Variants in GPRC5B observed in about 807,000 individuals in gnomAD.
GPRC5B encodes G protein-coupled receptor family C group 5 member B.
A neutral mutation model predicts 30.1 loss-of-function variants in GPRC5B; 16 were observed. The observed-to-expected ratio is 0.53, with a 90% CI of 0.36 to 0.81. The LOEUF is 0.81. GPRC5B is among the 30% of genes least tolerant of loss of function. The pLI is 0.01. For missense variants in GPRC5B, 428 were observed against 544.7 expected, an observed-to-expected ratio of 0.79 and a Z score of 2.13; for synonymous variants, 241 against 239.5, an observed-to-expected ratio of 1.01 and a Z score of -0.06.
At chr16:19,878,277 C>T (rs1634672) in intron 1 of GPRC5B, among the ~76,000 whole-genome samples, 2,618 of 151,816 alleles carry the variant, frequency 0.017, 27 homozygotes, top group Non-Finnish European at 0.029. Context: ...TGAGTGATAT[C>T]TTTGTAGCGT....
rs752690692 is a variant in GPRC5B at position 19,858,595 on chromosome 16, G to A, written c.*1905C>T. On this transcript the variant is annotated 3_prime_UTR_variant, in exon 4 of 4. Coordinates refer to ENST00000300571, the MANE Select transcript of GPRC5B (RefSeq NM_016235.3). ...TCGTTTTTTCACCGGACAGGACCGA[G>A]GTGTTTGAAGATTTCTTTCTTTTCA... is the stretch of plus-strand genomic sequence containing the variant. 1 of 601,288 alleles carries A rather than the reference G, an allele frequency of 1.7e-6. No individual in the cohort carries two copies. The highest frequency in any genetic ancestry group is 2.0e-5 in the South Asian group (1 of 51,202). The allele number at this position is 601,288 out of a possible 1,614,324, so 37.2% of individuals were successfully genotyped here. A position where few individuals can be genotyped will look rare whatever the true frequency, so the allele number is the denominator to read the frequency against.
rs1315425729 is a variant in GPRC5B at position 19,858,627 on chromosome 16, C to T, written c.*1873G>A. The T allele has an allele frequency of 1.1e-5, 6 of 570,416 alleles. No homozygotes were observed. The Admixed American group carries it at 1.1e-4, about 10-fold the overall frequency. The allele number at this position is 570,416 out of a possible 1,614,324, so 35.3% of individuals were successfully genotyped here. A position where few individuals can be genotyped will look rare whatever the true frequency, so the allele number is the denominator to read the frequency against. On this transcript the variant is annotated 3_prime_UTR_variant, in exon 4 of 4. Transcript: ENST00000300571. ...GAAGATTTCTTTCTTTTCAGAATACCGGGTCCGCATGCAACCGCCCCCACC... is the reference window on the plus strand; with the variant it reads ...GAAGATTTCTTTCTTTTCAGAATACTGGGTCCGCATGCAACCGCCCCCACC...
At chr16:19,866,482 G>A (rs1399623816) in intron 2 of GPRC5B, among the ~76,000 whole-genome samples, 2 of 151,622 alleles carry the variant, frequency 1.3e-5, no homozygotes, top group African/African-American at 4.9e-5. Context: ...TCAGCCTCCC[G>A]AGCGAGTACC....
rs1256909785 is a variant in GPRC5B at position 19,872,103 on chromosome 16, A to C, written c.743T>G (p.Val248Gly). The C allele has an allele frequency of 1.2e-6, 2 of 1,613,918 alleles. No homozygotes were observed. The highest frequency in any genetic ancestry group is 1.7e-6 in the Non-Finnish European group (2 of 1,179,964). Residue 248 changes from valine (V) to glycine (G), a missense_variant, in exon 2 of 4, where the codon GTG becomes GGG. By Grantham distance (109) the Val-to-Gly change is moderately radical. Coordinates refer to ENST00000300571, the MANE Select transcript of GPRC5B (RefSeq NM_016235.3). The surrounding 1 kb of genome is among the most constrained non-coding windows in gnomAD (Gnocchi z 5.0). ...ITAFLSVLIWVAWMTMYLFGN... is the reference protein window; with the variant it reads ...ITAFLSVLIWGAWMTMYLFGN... ...GAAGAGGTACATGGTCATCCAGGCC[A>C]CCCAGATGAGCACAGAGAGGAAGGC...
rs1183086608 is a variant in GPRC5B, at chr16:19,859,989, C to G, written c.*511G>C. 6.4e-6 allele frequency: 1 copy of G among 155,240 alleles called. No homozygotes were observed. Among genetic ancestry groups the G allele is most frequent in the African/African-American group, 2.4e-5 (1 of 41,484 alleles). 9.6% of individuals were successfully genotyped at this position (155,240 alleles called of 1,614,324 possible). A position where few individuals can be genotyped will look rare whatever the true frequency, so the allele number is the denominator to read the frequency against. On this transcript the variant is annotated 3_prime_UTR_variant, in exon 4 of 4. Coordinates refer to ENST00000300571, the MANE Select transcript of GPRC5B (RefSeq NM_016235.3). ...AACCTCCTTAACTCTCCTGACCCCCCTGAAATGTGCAAACCACCAGGCAAG... is the reference window on the plus strand; with the variant it reads ...AACCTCCTTAACTCTCCTGACCCCCGTGAAATGTGCAAACCACCAGGCAAG...
rs778065622 is a variant in GPRC5B at position 19,861,900 on chromosome 16, G to GCTGGGTCTTTTCCCCAAGCTGCCA, written c.1080_1103dup (p.Gly361_Ser368dup). 133 of 1,612,892 alleles carry GCTGGGTCTTTTCCCCAAGCTGCCA rather than the reference G, an allele frequency of 8.2e-5. No individual in the cohort carries two copies. Among genetic ancestry groups the GCTGGGTCTTTTCCCCAAGCTGCCA allele is most frequent in the Non-Finnish European group, 1.0e-4 (121 of 1,179,164 alleles). Reference sequence around the variant, plus strand: ...GATACACGTTGCTTCTAAACGGAGCGCTGGGTCTTTTCCCCAAGCTGCCAC... The same window carrying GCTGGGTCTTTTCCCCAAGCTGCCA: ...GATACACGTTGCTTCTAAACGGAGCGCTGGGTCTTTTCCCCAAGCTGCCACTGGGTCTTTTCCCCAAGCTGCCAC... On this transcript the variant is annotated inframe_insertion, in exon 3 of 4. Coordinates refer to ENST00000300571, the MANE Select transcript of GPRC5B (RefSeq NM_016235.3).
At chr16:19,873,651 C>T (rs1271081335) in intron 1 of GPRC5B, among the ~76,000 whole-genome samples, 3 of 152,132 alleles carry the variant, frequency 2.0e-5, no homozygotes, top group Non-Finnish European at 4.4e-5. Context: ...CCCTGTGAGA[C>T]AGCTCCTATT....
chr16:19,864,795 C>T (rs778035249), intron 2 of GPRC5B, among the ~76,000 whole-genome samples: 51 of 152,216 alleles, frequency 3.4e-4, no homozygotes, highest in Non-Finnish European at 6.3e-4. Context: ...GCTGCTCCTC[C>T]TGTGGCAAGG....
intron 1 of GPRC5B, chr16:19,882,040 G>A (rs1475247947): frequency 6.6e-6 from 1 of 152,240 alleles, no homozygotes; most frequent in Non-Finnish European, 1.5e-5. Flanking sequence ...ACTCCTGCTG[G>A]AGCCTCTGGT....
At chr16:19,882,181 A>G (rs1422807809) in intron 1 of GPRC5B, 3 of 152,210 alleles carry the variant, frequency 2.0e-5, no homozygotes, top group East Asian at 1.9e-4. Context: ...TCATTTCCCA[A>G]TGCTGACTAG....
intron 1 of GPRC5B, among the ~76,000 whole-genome samples, chr16:19,873,776 CT>C (rs1231232134): frequency 6.6e-6 from 1 of 152,066 alleles, no homozygotes; most frequent in East Asian, 1.9e-4. Flanking sequence ...CCCAGCATTT[CT>C]TTCCTTTTTT....
At position 19,858,617 on chromosome 16, in the gene GPRC5B, T is replaced by C; in HGVS notation, c.*1883A>G. 1.7e-6 allele frequency: 1 copy of C among 583,250 alleles called. No homozygotes were observed. The highest frequency in any genetic ancestry group is 3.1e-6 in the Non-Finnish European group (1 of 320,716). 36.1% of individuals were successfully genotyped at this position (583,250 alleles called of 1,614,324 possible). ...CGAGGTGTTTGAAGATTTCTTTCTT[T>C]TCAGAATACCGGGTCCGCATGCAAC... On this transcript the variant is annotated 3_prime_UTR_variant, in exon 4 of 4. Transcript: ENST00000300571.
chr16:19,872,496 TC>T lies in GPRC5B; in HGVS notation c.349del (p.Glu117ArgfsTer25), dbSNP rs763584986. 6.2e-7 allele frequency: 1 copy of T among 1,613,954 alleles called. No individual in the cohort carries two copies. Among genetic ancestry groups the T allele is most frequent in the Non-Finnish European group, 8.5e-7 (1 of 1,179,862 alleles). On this transcript the variant is annotated frameshift_variant, in exon 2 of 4. Coordinates refer to ENST00000300571, the MANE Select transcript of GPRC5B (RefSeq NM_016235.3). LOFTEE classifies it high-confidence loss of function. The surrounding 1 kb of genome is among the most constrained non-coding windows in gnomAD (Gnocchi z 5.0). ...GCGGACAGAGCAGATGGTCTCGTCC[TC>T]CTGGATGATGAAGGCAAACGTCAGC... ...FGLTFAFIIQ[E>X]DETICSVRRF...
Position 19,872,669 on chromosome 16 carries a change from C to T in GPRC5B, c.177G>A (p.Val59=), listed in dbSNP as rs146958511. ...GGGCGCCCGCCCCGGCCACCGCCTCCACCACAATGCCCCAGATGGCGTCCA... is the reference window on the plus strand; with the variant it reads ...GGGCGCCCGCCCCGGCCACCGCCTCTACCACAATGCCCCAGATGGCGTCCA... ...CDLDAIWGIV[V]EAVAGAGALI... The change falls in exon 2 of 4, where the codon GTG becomes GTA. Residue 59 remains valine, a synonymous_variant. Transcript: ENST00000300571. This position sits in a 1 kb window ranked among gnomAD's most constrained non-coding sequence, Gnocchi z 5.0. 4.1e-3 allele frequency: 6,659 copies of T among 1,614,156 alleles called. 13 individuals carry two copies. Among genetic ancestry groups the T allele is most frequent in the Non-Finnish European group, 5.1e-3 (6,056 of 1,180,020 alleles).
At chr16:19,864,220 TG>T (rs1478649967) in intron 2 of GPRC5B, among the ~76,000 whole-genome samples, 1 of 152,196 alleles carries the variant, frequency 6.6e-6, no homozygotes, top group Admixed American at 6.5e-5. Context: ...AGGCTGGCCT[TG>T]CCCCCAAAGC....
chr16:19,878,456 G>T (rs2056777676), intron 1 of GPRC5B, among the ~76,000 whole-genome samples: 1 of 151,802 alleles, frequency 6.6e-6, no homozygotes, highest in African/African-American at 2.4e-5. Flanking sequence ...CAGGCACCTG[G>T]CTAATTTTTG....
At chr16:19,863,868 G>A (rs552859997) in intron 2 of GPRC5B, among the ~76,000 whole-genome samples, 6 of 151,992 alleles carry the variant, frequency 3.9e-5, no homozygotes, top group East Asian at 1.9e-4. Flanking sequence ...TAGGTTGCAC[G>A]CTTCTTATGA....
intron 1 of GPRC5B, among the ~76,000 whole-genome samples, chr16:19,877,827 C>T (rs2056770443): frequency 1.3e-5 from 2 of 152,160 alleles, no homozygotes; most frequent in African/African-American, 4.8e-5. Context: ...TTGCTTTTTA[C>T]TACACACTAG....
chr16:19,865,790 G>A (rs1409753845), intron 2 of GPRC5B, among the ~76,000 whole-genome samples: 1 of 152,178 alleles, frequency 6.6e-6, no homozygotes, highest in East Asian at 1.9e-4. Flanking sequence ...CTGTAACATT[G>A]ATTTAAAGCA....
Sources: allele counts gnomAD v4.1 joint callset (sites outside exome capture counted in the v4.1 genomes callset), GRCh38; gene constraint gnomAD v4.1.1; non-coding constraint Gnocchi (gnomAD v3.1); transcripts MANE v1.5; gene names NCBI Gene and HGNC (gene_info 2026-07-23, HGNC 2026-07-21).